The following LRRK1 variants were observed in gnomAD, a reference collection of about 807,000 sequenced individuals.
LRRK1 encodes leucine-rich repeat serine/threonine-protein kinase 1.
In LRRK1, 113 loss-of-function variants were observed where a neutral mutation model predicts 209.1. The observed-to-expected ratio is 0.54, with a 90% CI of 0.46 to 0.63. The LOEUF (loss-of-function observed/expected upper bound fraction) is 0.63. Among genes scored for constraint, LRRK1 ranks in the 30% least tolerant of loss-of-function variants. The pLI is 0.00. For synonymous variants in LRRK1, 1,144 were observed against 1,099.7 expected, an observed-to-expected ratio of 1.04 and a Z score of -0.80; for missense variants, 2,284 against 2,632.2, an observed-to-expected ratio of 0.87 and a Z score of 2.89.
intron 2 of LRRK1, among the ~76,000 whole-genome samples, chr15:100,957,453 G>C (rs1246059931): frequency 6.6e-6 from 1 of 151,976 alleles, no homozygotes; most frequent in Non-Finnish European, 1.5e-5. Context: ...GTTAATATTT[G>C]CTTTACTTAT....
chr15:101,016,435 C>T (rs2141702351), intron 12 of LRRK1, among the ~76,000 whole-genome samples: 1 of 151,664 alleles, frequency 6.6e-6, no homozygotes, highest in Non-Finnish European at 1.5e-5. Context: ...ATCCGCCTGC[C>T]TCAGCCTCCC....
Position 101,028,359 on chromosome 15 carries a change from C to T in LRRK1, c.2686+562C>T, listed in dbSNP as rs530259209. Among the ~76,000 whole-genome samples the T allele has an allele frequency of 1.2e-3, 182 of 152,342 alleles. 3 individuals carry two copies. Among genetic ancestry groups the T allele is most frequent in the Non-Finnish European group, 5.6e-4 (38 of 68,032 alleles). ...CACTATTGCTCATTCATGAACAAAG[C>T]TTATCTAACACACAGGTTTCCTCCA... On this transcript the variant is annotated intron_variant, in intron 19 of 33. Transcript: ENST00000388948.
Position 101,022,631 on chromosome 15 carries a change from G to C in LRRK1, c.2067+34G>C. 6.8e-7 allele frequency: 1 copy of C among 1,460,316 alleles called. No homozygotes were observed. 90.5% of individuals were successfully genotyped at this position (1,460,316 alleles called of 1,614,324 possible). A position where few individuals can be genotyped will look rare whatever the true frequency, so the allele number is the denominator to read the frequency against. The stretch of plus-strand genomic sequence containing the variant: ...TGGTCTGCGTGCAGAGTCCCTGTGG[G>C]TGGGAGGAACATCCCTTGGACTCCT... On this transcript the variant is annotated intron_variant, in intron 15 of 33. Coordinates refer to ENST00000388948, the MANE Select transcript of LRRK1 (RefSeq NM_024652.6). The surrounding 1 kb of genome is among the most constrained non-coding windows in gnomAD (Gnocchi z 4.0).
intron 20 of LRRK1, among the ~76,000 whole-genome samples, chr15:101,031,121 G>A (rs1267086837): frequency 6.6e-6 from 1 of 152,150 alleles, no homozygotes; most frequent in Non-Finnish European, 1.5e-5. Flanking sequence ...TTCCATCATA[G>A]GTAAAGTTTA....
chr15:101,009,970 T>A (rs546884193), intron 7 of LRRK1, among the ~76,000 whole-genome samples: 37 of 152,190 alleles, frequency 2.4e-4, no homozygotes, highest in Non-Finnish European at 4.1e-4. Flanking sequence ...AGGCTCTAAG[T>A]GAAGCAAGAG....
intron 12 of LRRK1, among the ~76,000 whole-genome samples, chr15:101,016,482 G>A (rs1048517277): frequency 8.1e-5 from 12 of 148,510 alleles, no homozygotes; most frequent in Non-Finnish European, 4.5e-5. Context: ...CACCACGCCC[G>A]GCCCCTCTTC....
intron 4 of LRRK1, among the ~76,000 whole-genome samples, chr15:100,984,336 C>T (rs191130890): frequency 1.3e-5 from 2 of 152,322 alleles, no homozygotes; most frequent in East Asian, 1.9e-4. Flanking sequence ...TAAAGTCCAT[C>T]GCTTACGTTG....
chr15:100,951,057 T>C (rs550793667), intron 2 of LRRK1, among the ~76,000 whole-genome samples: 14 of 152,270 alleles, frequency 9.2e-5, no homozygotes, highest in Admixed American at 3.9e-4. Flanking sequence ...GAGCAGAGGT[T>C]GCGCCACCGC....
At chr15:101,039,073 C>T (rs1487801032) in intron 20 of LRRK1, among the ~76,000 whole-genome samples, 1 of 152,196 alleles carries the variant, frequency 6.6e-6, no homozygotes, top group Non-Finnish European at 1.5e-5. Context: ...TTTTGTTCTT[C>T]TGTTTCAAGA....
chr15:101,058,183 T>C, intron 29 of LRRK1, 42 bp downstream of exon 29: 4 of 1,600,634 alleles, frequency 2.5e-6, no homozygotes, highest in Non-Finnish European at 3.4e-6. Context: ...GTATTTGGGG[T>C]GGGAGGCCGC....
At chr15:101,061,773 G>A (rs1455282635) in intron 30 of LRRK1, among the ~76,000 whole-genome samples, 12 of 152,218 alleles carry the variant, frequency 7.9e-5, no homozygotes, top group Admixed American at 7.9e-4. Flanking sequence ...CACTTTGGGA[G>A]GCCAAGATAG....
intron 29 of LRRK1, among the ~76,000 whole-genome samples, chr15:101,058,617 C>T (rs866285538): frequency 1.3e-5 from 1 of 75,366 alleles, no homozygotes; most frequent in Non-Finnish European, 2.2e-5. Flanking sequence ...GAAGGGGCAA[C>T]GGGGGGGGGC....
intron 30 of LRRK1, among the ~76,000 whole-genome samples, chr15:101,061,809 G>C (rs1459295317): frequency 6.6e-6 from 1 of 152,200 alleles, no homozygotes; most frequent in African/African-American, 2.4e-5. Flanking sequence ...AAGAGATTGA[G>C]ACCATCCTGG....
At position 100,924,564 on chromosome 15, in the gene LRRK1, C is replaced by T; in HGVS notation, c.-69C>T. On this transcript the variant is annotated 5_prime_UTR_variant, in exon 2 of 34. Transcript: ENST00000388948. ...CTACGAGTCCACGCCTTAATGCACC[C>T]CACAGCCAGCGGCAGTGGCAGTGAC... 1 of 1,421,994 alleles carries T rather than the reference C, an allele frequency of 7.0e-7. No homozygotes were observed. The highest frequency in any genetic ancestry group is 9.9e-7 in the Non-Finnish European group (1 of 1,007,774). 88.1% of individuals were successfully genotyped at this position (1,421,994 alleles called of 1,614,324 possible).
chr15:101,010,815 C>T lies in LRRK1; in HGVS notation c.1259C>T (p.Pro420Leu), dbSNP rs538150906. The T allele has an allele frequency of 4.3e-5, 69 of 1,613,530 alleles. No individual in the cohort carries two copies. In the South Asian group the frequency reaches 5.6e-4, roughly 13 times the overall value. ...TCCAGAAACAACCTGAAGGTGTTTC[C>T]AGATCCCTGGGCCTGCCCTTTGGTG... ...NVSRNNLKVF[P>L]DPWACPLKCC... is the part of the protein sequence containing the mutation. Residue 420 changes from proline (P) to leucine (L), a missense_variant, in exon 9 of 34, where the codon CCA becomes CTA. Pro to Leu is a moderately conservative substitution (Grantham distance 98). This residue lies in a region of LRRK1 where 494 missense variants were observed against 522.1 expected (regional missense o/e 0.95). Coordinates refer to ENST00000388948, the MANE Select transcript of LRRK1 (RefSeq NM_024652.6).
Position 101,069,012 on chromosome 15 carries a change from G to A in LRRK1, c.*164G>A. On this transcript the variant is annotated 3_prime_UTR_variant, in exon 34 of 34. Coordinates refer to ENST00000388948, the MANE Select transcript of LRRK1 (RefSeq NM_024652.6). ...GCTGAGAAGTTACTCGCCTGGCGGTGGCTCCAGGGTTCTCTGGTTCTCTGG... is the reference window on the plus strand; with the variant it reads ...GCTGAGAAGTTACTCGCCTGGCGGTAGCTCCAGGGTTCTCTGGTTCTCTGG... The A allele has an allele frequency of 1.1e-5, 7 of 630,930 alleles. No homozygotes were observed. The South Asian group carries it at 2.0e-4, about 18-fold the overall frequency. The allele number at this position is 630,930 out of a possible 1,614,324, so 39.1% of individuals were successfully genotyped here.
At chr15:101,015,488 A>G (rs1406222854) in intron 12 of LRRK1, 86 bp downstream of exon 12, 2 of 979,624 alleles carry the variant, frequency 2.0e-6, no homozygotes, top group African/African-American at 1.6e-5. Flanking sequence ...GATCGCCCTT[A>G]TCTTGGGCCT....
chr15:100,946,697 A>G (rs2042546169), intron 2 of LRRK1, among the ~76,000 whole-genome samples: 1 of 152,206 alleles, frequency 6.6e-6, no homozygotes, highest in Admixed American at 6.5e-5. Context: ...AATCAACACC[A>G]CTAAAAGTCT....
chr15:100,956,456 T>TTTTCTTTTC (rs2042763729), intron 2 of LRRK1, among the ~76,000 whole-genome samples: 1 of 58,814 alleles, frequency 1.7e-5, no homozygotes, highest in African/African-American at 8.7e-5. Flanking sequence ...TTTTTTTTTC[T>TTTTCTTTTC]TTTTTTTTTT....
Sources: gnomAD v4.1 joint callset for allele counts (sites outside exome capture counted in the v4.1 genomes callset) on GRCh38, gnomAD v4.1.1 for gene constraint, gnomAD v4.1.1 regional missense constraint, Gnocchi (gnomAD v3.1) non-coding constraint, MANE v1.5 for transcripts, NCBI Gene and HGNC (gene_info 2026-07-23, HGNC 2026-07-21) for gene names.